The following PALLD variants were observed in gnomAD, a reference collection of about 807,000 sequenced individuals.
The protein encoded by PALLD is palladin.
Under a neutral mutation model 123.5 loss-of-function variants are expected in PALLD, and 61 were observed. That is an observed-to-expected ratio of 0.49 (90% CI 0.40 to 0.61). PALLD has a LOEUF of 0.61. Among genes scored for constraint, PALLD ranks in the 20% least tolerant of loss-of-function variants. The pLI is 0.00. For synonymous variants in PALLD, 465 were observed against 496.4 expected, an observed-to-expected ratio of 0.94 and a Z score of 0.84; for missense variants, 1,273 against 1,377.0, an observed-to-expected ratio of 0.92 and a Z score of 1.20.
chr4:168,537,934 C>T (rs1437546211), intron 2 of PALLD: 1 of 152,192 alleles, frequency 6.6e-6, no homozygotes, highest in Non-Finnish European at 1.5e-5. Flanking sequence ...TCATGTTTAA[C>T]CTGTTACAGC....
rs368226352 is a variant in PALLD at position 168,835,808 on chromosome 4, C to T, written c.1965-55114C>T. On this transcript the variant is annotated intron_variant, in intron 10 of 21. Coordinates refer to ENST00000505667, the MANE Select transcript of PALLD (RefSeq NM_001166108.2). ...CTGCCTCCCAGGTTCAAGCGATTCT[C>T]GTGCCTCAGCCTCCTGAGTAGCTTG... 2.2e-4 allele frequency among the ~76,000 whole-genome samples: 33 copies of T among 152,212 alleles called. No individual in the cohort carries two copies. The East Asian group carries it at 5.0e-3, about 23-fold the overall frequency.
intron 2 of PALLD, among the ~76,000 whole-genome samples, chr4:168,635,852 A>G (rs1776295491): frequency 6.6e-6 from 1 of 152,228 alleles, no homozygotes; most frequent in Non-Finnish European, 1.5e-5. Context: ...AGACCAAATT[A>G]GTGTGGCACC....
At chr4:168,922,225 G>T (rs1454653813) in intron 18 of PALLD, among the ~76,000 whole-genome samples, 1 of 151,728 alleles carries the variant, frequency 6.6e-6, no homozygotes, top group African/African-American at 2.4e-5. Context: ...ACTGATTATT[G>T]TGTAGGTAAA....
chr4:168,719,252 C>CCTTTT (rs1354493694), intron 10 of PALLD, among the ~76,000 whole-genome samples: 1 of 85,698 alleles, frequency 1.2e-5, no homozygotes, highest in African/African-American at 4.8e-5. Context: ...AAGTAATCTT[C>CCTTTT]TTTTTTTTTT....
Position 168,926,358 on chromosome 4 carries a change from T to C in PALLD, c.*178T>C. On this transcript the variant is annotated 3_prime_UTR_variant, in exon 22 of 22. Transcript: ENST00000505667. ...ACCCATCTCACCTGACACTGAATACTGCCTTGGTAGAAAGTGAGGACCTGT... is the reference window on the plus strand; with the variant it reads ...ACCCATCTCACCTGACACTGAATACCGCCTTGGTAGAAAGTGAGGACCTGT... 6.5e-7 allele frequency: 1 copy of C among 1,537,324 alleles called. No individual in the cohort carries two copies. The highest frequency in any genetic ancestry group is 8.7e-7 in the Non-Finnish European group (1 of 1,146,808).
intron 10 of PALLD, among the ~76,000 whole-genome samples, chr4:168,849,147 G>A (rs1348823737): frequency 6.6e-6 from 1 of 152,228 alleles, no homozygotes; most frequent in Non-Finnish European, 1.5e-5. Context: ...CCAACTGGGT[G>A]CAACAGTTGA....
At chr4:168,553,049 T>C (rs1029513232) in intron 2 of PALLD, among the ~76,000 whole-genome samples, 2 of 152,112 alleles carry the variant, frequency 1.3e-5, no homozygotes, top group African/African-American at 2.4e-5. Flanking sequence ...TACAAACCTA[T>C]AACCCAACAA....
intron 2 of PALLD, among the ~76,000 whole-genome samples, chr4:168,562,144 C>A (rs561211922): frequency 1.3e-5 from 2 of 151,824 alleles, no homozygotes; most frequent in African/African-American, 4.8e-5. Context: ...TTCTAAGCCT[C>A]TTTTCACTCT....
chr4:168,745,822 A>T (rs1381352980), intron 10 of PALLD, among the ~76,000 whole-genome samples: 1 of 152,204 alleles, frequency 6.6e-6, no homozygotes, highest in Non-Finnish European at 1.5e-5. Context: ...GATCCAAACT[A>T]ATGGGTGAGC....
At chr4:168,908,924 A>G (rs530060953) in intron 15 of PALLD, among the ~76,000 whole-genome samples, 4 of 152,348 alleles carry the variant, frequency 2.6e-5, no homozygotes, top group South Asian at 4.1e-4. Flanking sequence ...TCTTTTGGGA[A>G]TAAGAAAAAC....
At chr4:168,704,612 C>T (rs1294297449) in intron 8 of PALLD, among the ~76,000 whole-genome samples, 2 of 145,650 alleles carry the variant, frequency 1.4e-5, no homozygotes, top group Admixed American at 7.0e-5. Flanking sequence ...TGCAGTGAGC[C>T]GAGATTGCGC....
At chr4:168,734,108 C>A (rs999730190) in intron 10 of PALLD, among the ~76,000 whole-genome samples, 2 of 152,130 alleles carry the variant, frequency 1.3e-5, no homozygotes, top group African/African-American at 4.8e-5. Flanking sequence ...CGGTTTGATA[C>A]TTAGAAAATC....
chr4:168,828,639 G>C (rs1743755700), intron 10 of PALLD, among the ~76,000 whole-genome samples: 1 of 152,084 alleles, frequency 6.6e-6, no homozygotes, highest in Non-Finnish European at 1.5e-5. Context: ...TATTTTCATT[G>C]TGAGAAAAAT....
intron 2 of PALLD, among the ~76,000 whole-genome samples, chr4:168,563,052 G>T (rs543762889): frequency 6.6e-6 from 1 of 152,240 alleles, no homozygotes; most frequent in East Asian, 1.9e-4. Flanking sequence ...ATTGTTTGTG[G>T]GGAGTGGCGG....
intron 10 of PALLD, among the ~76,000 whole-genome samples, chr4:168,862,722 A>T (rs1749677030): frequency 6.6e-6 from 1 of 152,238 alleles, no homozygotes; most frequent in African/African-American, 2.4e-5. Context: ...GGTTACAAAG[A>T]CAAGTTTTCT....
chr4:168,600,346 A>G (rs962497355), intron 2 of PALLD, among the ~76,000 whole-genome samples: 1 of 152,122 alleles, frequency 6.6e-6, no homozygotes, highest in African/African-American at 2.4e-5. Flanking sequence ...AAATTTGTCT[A>G]TTTTTACTCT....
At chr4:168,538,911 G>C (rs977110184) in intron 2 of PALLD, among the ~76,000 whole-genome samples, 4 of 152,198 alleles carry the variant, frequency 2.6e-5, no homozygotes, top group Non-Finnish European at 5.9e-5. Context: ...TATGTTCCAA[G>C]TTTTGGATGC....
intron 10 of PALLD, among the ~76,000 whole-genome samples, chr4:168,840,676 AT>A (rs1368115583): frequency 1.3e-5 from 2 of 152,132 alleles, no homozygotes; most frequent in African/African-American, 2.4e-5. Flanking sequence ...ATATTGAGAG[AT>A]TTTTTTAAAG....
chr4:168,691,222 C>T (rs779652479), intron 7 of PALLD, 47 bp from the exon 8 acceptor site: 10 of 1,384,044 alleles, frequency 7.2e-6, no homozygotes, highest in African/African-American at 1.4e-5. Context: ...AAATGGAACC[C>T]CATTCTAATA....
Sources: gnomAD v4.1 joint callset for allele counts (sites outside exome capture counted in the v4.1 genomes callset) on GRCh38, gnomAD v4.1.1 for gene constraint, MANE v1.5 for transcripts, NCBI Gene and HGNC (gene_info 2026-07-23, HGNC 2026-07-21) for gene names.